PCDHA3: variants seen among roughly 807,000 people sequenced by gnomAD.
PCDHA3 encodes the protein protocadherin alpha-3.
In PCDHA3, 41 loss-of-function variants were observed where a neutral mutation model predicts 62.2. That is an observed-to-expected ratio of 0.66 (90% CI 0.51 to 0.86). The LOEUF (loss-of-function observed/expected upper bound fraction) is 0.86, where lower values mean the gene tolerates loss of function less well. PCDHA3 is among the 40% of genes least tolerant of loss of function. The pLI is 0.00. For synonymous variants in PCDHA3, 640 were observed against 555.4 expected (o/e 1.15, Z -2.14); for missense variants, 1,304 against 1,241.2 (o/e 1.05, Z -0.76).
chr5:140,948,315 G>A (rs246048), intron 1 of PCDHA3, among the ~76,000 whole-genome samples: 85,363 of 151,182 alleles, frequency 0.56, 24,689 homozygotes, highest in African/African-American at 0.69. Context: ...TTCTTGAGGG[G>A]TAATGTTTTC....
At chr5:140,844,751 T>G (rs1554140718) in intron 1 of PCDHA3, among the ~76,000 whole-genome samples, 1 of 149,538 alleles carries the variant, frequency 6.7e-6, no homozygotes. Flanking sequence ...ATGGGATAAA[T>G]CTTTGAAAAA....
At chr5:140,854,832 T>C (rs1167287485) in intron 1 of PCDHA3, among the ~76,000 whole-genome samples, 8 of 149,892 alleles carry the variant, frequency 5.3e-5, no homozygotes, top group African/African-American at 2.0e-4. Context: ...ATGAAAAACT[T>C]CACTGACATT....
At chr5:140,844,668 T>A (rs540390945) in intron 1 of PCDHA3, among the ~76,000 whole-genome samples, 1 of 149,604 alleles carries the variant, frequency 6.7e-6, no homozygotes, top group Non-Finnish European at 1.5e-5. Flanking sequence ...AAACATATAA[T>A]TTATAAATCC....
chr5:140,845,035 G>GC (rs1258686768), intron 1 of PCDHA3, among the ~76,000 whole-genome samples: 16 of 149,032 alleles, frequency 1.1e-4, no homozygotes, highest in African/African-American at 3.7e-4. Flanking sequence ...GCATATTTTA[G>GC]CCCCCTTGTC....
Position 140,870,991 on chromosome 5 carries a change from A to G in PCDHA3, c.2394+67400A>G, listed in dbSNP as rs782466247. On this transcript the variant is annotated intron_variant, in intron 1 of 3. Coordinates refer to ENST00000522353, the MANE Select transcript of PCDHA3 (RefSeq NM_018906.3). ...CCGCGTGGGGCTGTACACGGGCGAGATAAGCACAACGCGTGCCCTGGACGA... is the reference window on the plus strand; with the variant it reads ...CCGCGTGGGGCTGTACACGGGCGAGGTAAGCACAACGCGTGCCCTGGACGA... 10 of 1,613,364 alleles carry G rather than the reference A, an allele frequency of 6.2e-6. No individual in the cohort carries two copies. The East Asian group carries it at 1.1e-4, about 18-fold the overall frequency.
rs2043467325 is a variant in PCDHA3 at position 140,855,436 on chromosome 5, G to C, written c.2394+51845G>C. Among the ~76,000 whole-genome samples the C allele has an allele frequency of 2.7e-5, 4 of 149,868 alleles. No homozygotes were observed. In the South Asian group the frequency reaches 8.4e-4, roughly 32 times the overall value. ...GATCTCTAAATTCTAGTGATGACTA[G>C]ATCTTCGGAGTTATAAACACCTCAC... On this transcript the variant is annotated intron_variant, in intron 1 of 3. Transcript: ENST00000522353.
chr5:140,879,671 G>T (rs1442617511), intron 1 of PCDHA3, among the ~76,000 whole-genome samples: 3 of 152,210 alleles, frequency 2.0e-5, no homozygotes, highest in Admixed American at 1.3e-4. Context: ...AACACAAACT[G>T]GGTGCTGTAA....
chr5:140,816,941 G>T (rs2126676458), intron 1 of PCDHA3: 1 of 152,186 alleles, frequency 6.6e-6, no homozygotes, highest in East Asian at 1.9e-4. Context: ...TCAGTGCCTG[G>T]AGTCAAGTGA....
intron 1 of PCDHA3, among the ~76,000 whole-genome samples, chr5:140,912,343 ATTT>A (rs35252606): frequency 2.8e-5 from 4 of 143,838 alleles, no homozygotes; most frequent in African/African-American, 5.1e-5. Context: ...TACACTAAGT[ATTT>A]TTTTTTTTTT....
At chr5:140,860,395 G>C (rs1369632482) in intron 1 of PCDHA3, 2 of 151,922 alleles carry the variant, frequency 1.3e-5, no homozygotes, top group African/African-American at 4.8e-5. Context: ...ATTGAAAAAA[G>C]CAAAAGCAAT....
At chr5:140,873,002 T>G (rs1454301001) in intron 1 of PCDHA3, among the ~76,000 whole-genome samples, 1 of 152,218 alleles carries the variant, frequency 6.6e-6, no homozygotes, top group East Asian at 1.9e-4. Flanking sequence ...TTCTGAGTCA[T>G]TCTTCATATT....
At chr5:140,809,878 C>A in intron 1 of PCDHA3, 1 of 246,876 alleles carries the variant, frequency 4.1e-6, no homozygotes, top group Non-Finnish European at 7.7e-6. Context: ...TATTATTTAA[C>A]CTATTACATA....
chr5:140,807,655 C>A (rs1554124179), intron 1 of PCDHA3: 1 of 1,614,184 alleles, frequency 6.2e-7, no homozygotes, highest in South Asian at 1.1e-5. Flanking sequence ...CACTAGAGGG[C>A]GCCTCGGATG....
chr5:140,951,551 A>C (rs246040), intron 1 of PCDHA3, among the ~76,000 whole-genome samples: 2 of 151,590 alleles, frequency 1.3e-5, no homozygotes, highest in African/African-American at 4.8e-5. Flanking sequence ...GACGGGGGGA[A>C]GTGCTACGCA....
At chr5:140,829,189 T>A in intron 1 of PCDHA3, 1 of 1,614,208 alleles carries the variant, frequency 6.2e-7, no homozygotes, top group Non-Finnish European at 8.5e-7. Flanking sequence ...CTCAATTTGG[T>A]ACTGTCATCG....
intron 1 of PCDHA3, chr5:140,884,716 GTTGT>G (rs782735758): frequency 2.8e-5 from 41 of 1,468,898 alleles, no homozygotes; most frequent in Middle Eastern, 3.6e-4. Flanking sequence ...CTTCCTTGCA[GTTGT>G]TTGTTTAAGA....
chr5:140,827,548 A>AT lies in PCDHA3; in HGVS notation c.2394+23963dup, dbSNP rs2150148168. Among the ~76,000 whole-genome samples, 146 of 152,260 alleles carry AT rather than the reference A, an allele frequency of 9.6e-4. 1 individual carries two copies. Among genetic ancestry groups the AT allele is most frequent in the African/African-American group, 3.4e-3 (141 of 41,546 alleles). On this transcript the variant is annotated intron_variant, in intron 1 of 3. Transcript: ENST00000522353. ...CCAAAATTTGATAATTTTAAGTTAC[A>AT]TTTTTTCCCTAGAGCACTATATAAT...
At chr5:140,989,620 C>T (rs1197614071) in intron 3 of PCDHA3, among the ~76,000 whole-genome samples, 1 of 152,168 alleles carries the variant, frequency 6.6e-6, no homozygotes, top group African/African-American at 2.4e-5. Context: ...GAAAGTCTGT[C>T]CTAGTGACAG....
At chr5:140,941,603 T>C (rs116946105) in intron 1 of PCDHA3, among the ~76,000 whole-genome samples, 1 of 152,024 alleles carries the variant, frequency 6.6e-6, no homozygotes, top group East Asian at 1.9e-4. Flanking sequence ...CCATGAGCCA[T>C]GGTGCCCAGC....
Sources: gnomAD v4.1 joint callset for allele counts (sites outside exome capture counted in the v4.1 genomes callset) on GRCh38, gnomAD v4.1.1 for gene constraint, MANE v1.5 for transcripts, NCBI Gene and HGNC (gene_info 2026-07-23, HGNC 2026-07-21) for gene names.